KRT79: variants seen among roughly 807,000 people sequenced by gnomAD.
KRT79 encodes keratin 79.
In KRT79, 51 loss-of-function variants were observed where a neutral mutation model predicts 49.0. The ratio of observed to expected loss-of-function variants is 1.04; its 90% CI spans 0.83 to 1.31. The LOEUF (loss-of-function observed/expected upper bound fraction) is 1.31, where lower values mean the gene tolerates loss of function less well. Among genes scored for constraint, KRT79 ranks in the 40% most tolerant of loss-of-function variants. KRT79 has a pLI of 0.00. For synonymous variants in KRT79, 312 were observed against 286.6 expected, an observed-to-expected ratio of 1.09 and a Z score of -0.90; for missense variants, 728 against 688.0, an observed-to-expected ratio of 1.06 and a Z score of -0.65.
At chr12:52,830,511 T>A in intron 2 of KRT79, 1 of 565,186 alleles carries the variant, frequency 1.8e-6, no homozygotes, top group Non-Finnish European at 3.2e-6. Context: ...GGCACAGAAT[T>A]TGTGCAATAA....
chr12:52,824,009 C>T lies in KRT79; in HGVS notation c.1024G>A (p.Glu342Lys). Residue 342 changes from glutamate to lysine, a missense_variant, in exon 6 of 9, where the codon GAG becomes AAG. By Grantham distance (56) the Glu-to-Lys change is moderately conservative (BLOSUM62 1). Coordinates refer to ENST00000330553, the MANE Select transcript of KRT79 (RefSeq NM_175834.3). ...EAEAWYQTKY[E>K]ELQVTAGKHG... ...TTCCCAGCAGTCACCTGCAGCTCCT[C>T]ATACTGGGGACCAAAGAAGTGGCAG... 6.2e-7 allele frequency: 1 copy of T among 1,614,150 alleles called. No individual in the cohort carries two copies.
chr12:52,833,058 G>A (rs1168141557), intron 1 of KRT79, among the ~76,000 whole-genome samples: 2 of 152,176 alleles, frequency 1.3e-5, no homozygotes, highest in Non-Finnish European at 2.9e-5. Flanking sequence ...CAGCGAAACA[G>A]ACCAGGAAAT....
At chr12:52,828,722 C>T (rs1000467090) in intron 4 of KRT79, among the ~76,000 whole-genome samples, 3 of 152,178 alleles carry the variant, frequency 2.0e-5, no homozygotes, top group Admixed American at 6.5e-5. Context: ...AGAAAGCCAA[C>T]GTTGTGAAAC....
chr12:52,833,882 G>C lies in KRT79; in HGVS notation c.379C>G (p.Leu127Val), dbSNP rs776754666. 6.2e-7 allele frequency: 1 copy of C among 1,613,622 alleles called. No individual in the cohort carries two copies. The highest frequency in any genetic ancestry group is 1.7e-5 in the Admixed American group (1 of 59,978). Residue 127 changes from leucine to valine, a missense_variant, in exon 1 of 9, where the codon CTC becomes GTC. Physicochemically the swap from Leu to Val is conservative, Grantham distance 32. Transcript: ENST00000330553. ...ATCTCGGGGTCAATCTCCACATGGA[G>C]GGGGGTCAGCAGGCTCTGGTTGACA... The part of the protein sequence containing the change: ...VTVNQSLLTP[L>V]HVEIDPEIQR...
chr12:52,822,274 G>T (rs1468170645), intron 8 of KRT79, 71 bp downstream of exon 8: 1 of 1,498,538 alleles, frequency 6.7e-7, no homozygotes, highest in Non-Finnish European at 9.2e-7. Flanking sequence ...GACAGGTACA[G>T]GTTGCATAAA....
chr12:52,832,460 C>A (rs373762580), intron 1 of KRT79, among the ~76,000 whole-genome samples: 3 of 151,866 alleles, frequency 2.0e-5, no homozygotes, highest in Non-Finnish European at 2.9e-5. Context: ...TTTAACAGGA[C>A]CCCCGAGAGT....
At chr12:52,822,099 T>A (rs1172775743) in intron 8 of KRT79, 22 bp from the exon 9 acceptor site, 5 of 1,612,394 alleles carry the variant, frequency 3.1e-6, no homozygotes, top group Non-Finnish European at 4.2e-6. Context: ...AGGGTCTGGA[T>A]TAGTCAGGGC....
intron 2 of KRT79, 59 bp from the exon 3 acceptor site, chr12:52,830,351 A>T: frequency 6.7e-7 from 1 of 1,502,594 alleles, no homozygotes; most frequent in South Asian, 1.1e-5. Flanking sequence ...CAGGCATGGG[A>T]CCCACTCAGC....
rs187814443 is a variant in KRT79 at position 52,830,215 on chromosome 12, C to A, written c.759+17G>T. The A allele has an allele frequency of 6.4e-5, 103 of 1,614,168 alleles. No individual in the cohort carries two copies. The highest frequency in any genetic ancestry group is 1.8e-4 in the Admixed American group (11 of 60,032). On this transcript the variant is annotated intron_variant, in intron 3 of 8. Transcript: ENST00000330553. ...CTGGCAGCCAAAGGACCACCTCCCC[C>A]ACTCCACTCGGCTCACCTTCTTGAG...
chr12:52,824,602 A>T (rs1308440334), intron 4 of KRT79, among the ~76,000 whole-genome samples: 1 of 152,242 alleles, frequency 6.6e-6, no homozygotes, highest in African/African-American at 2.4e-5. Flanking sequence ...CCAAAAGATT[A>T]GAGAGGGTAA....
At chr12:52,825,901 T>C (rs1940168724) in intron 4 of KRT79, among the ~76,000 whole-genome samples, 1 of 152,128 alleles carries the variant, frequency 6.6e-6, no homozygotes, top group Non-Finnish European at 1.5e-5. Flanking sequence ...GTGGTGGTTG[T>C]GGGGCTTAAG....
Position 52,834,211 on chromosome 12 carries a change from C to A in KRT79, c.50G>T (p.Ser17Ile). The A allele has an allele frequency of 6.2e-7, 1 of 1,613,850 alleles. No individual in the cohort carries two copies. The highest frequency in any genetic ancestry group is 8.5e-7 in the Non-Finnish European group (1 of 1,180,018). ...RQTYSTKGGFSSNSASGGSGS... is the reference protein window; with the variant it reads ...RQTYSTKGGFISNSASGGSGS... The stretch of plus-strand genomic sequence containing the variant: ...ACTCCCTCCGCTGGCAGAGTTGGAG[C>A]TGAAGCCCCCTTTTGTGGAGTATGT... Residue 17 changes from serine (S) to isoleucine (I), a missense_variant, in exon 1 of 9, where the codon AGC (serine) becomes ATC (isoleucine). Ser to Ile is a moderately radical substitution (Grantham distance 142, BLOSUM62 -2). Coordinates refer to ENST00000330553, the MANE Select transcript of KRT79 (RefSeq NM_175834.3).
intron 1 of KRT79, among the ~76,000 whole-genome samples, chr12:52,831,974 C>T (rs1357643945): frequency 1.3e-5 from 2 of 152,204 alleles, no homozygotes; most frequent in African/African-American, 4.8e-5. Context: ...CCTAATTCTG[C>T]ATTAAAATCA....
rs555171248 is a variant in KRT79 at position 52,824,665 on chromosome 12, A to T, written c.856-303T>A. On this transcript the variant is annotated intron_variant, in intron 4 of 8. Transcript: ENST00000330553. ...CTGGTGCCCGGCACTGTGCTAGCAC[A>T]TTCACTAACCCCTCTAGGCCTCAGA... 1.4e-3 allele frequency among the ~76,000 whole-genome samples: 220 copies of T among 152,322 alleles called. 1 individual carries two copies. The highest frequency in any genetic ancestry group is 4.4e-3 in the African/African-American group (184 of 41,572).
In KRT79 at chr12:52,831,467, G is replaced by T; in HGVS notation, c.637C>A (p.Arg213=). 6.2e-7 allele frequency: 1 copy of T among 1,614,172 alleles called. No homozygotes were observed. The highest frequency in any genetic ancestry group is 1.1e-5 in the South Asian group (1 of 91,064). Residue 213 remains arginine (R), a synonymous_variant, in exon 2 of 9, where the codon CGG becomes AGG. Transcript: ENST00000330553. ...CTGAGCTCTGAGTCCAGCCTCCCCCGCTCGCTCTGAAGTCTGTCCAGCGTG... is the reference window on the plus strand; with the variant it reads ...CTGAGCTCTGAGTCCAGCCTCCCCCTCTCGCTCTGAAGTCTGTCCAGCGTG... ...RSTLDRLQSE[R]GRLDSELRNV...
rs780904899 is a variant in KRT79 at position 52,834,287 on chromosome 12, T to G, written c.-27A>C. 4.4e-6 allele frequency: 7 copies of G among 1,580,454 alleles called. No homozygotes were observed. The highest frequency in any genetic ancestry group is 3.3e-5 in the Admixed American group (2 of 59,944). ...GCTGCAGAGGGGCCGGAGGGCAGGA[T>G]GAGAGGGCAGGAAGGGAGTGCCGTG... On this transcript the variant is annotated 5_prime_UTR_variant, in exon 1 of 9. Coordinates refer to ENST00000330553, the MANE Select transcript of KRT79 (RefSeq NM_175834.3).
At position 52,821,943 on chromosome 12, in the gene KRT79, C is replaced by T. The variant is rs1462242420; in HGVS notation, c.1537G>A (p.Gly513Arg). 2.5e-6 allele frequency: 4 copies of T among 1,614,176 alleles called. No individual in the cohort carries two copies. Among genetic ancestry groups the T allele is most frequent in the Non-Finnish European group, 3.4e-6 (4 of 1,180,040 alleles). ...ATGGAGGTGCCCGCAGAGACTGGCC[C>T]TCCCTTGACGGTGCTATAGCCCACA... ...TNVGYSTVKG[G>R]PVSAGTSILR... Residue 513 changes from glycine (G) to arginine (R), a missense_variant, in exon 9 of 9, where the codon GGG (glycine) becomes AGG (arginine). Transcript: ENST00000330553.
chr12:52,828,948 G>A (rs181658552), intron 4 of KRT79, among the ~76,000 whole-genome samples: 1 of 152,290 alleles, frequency 6.6e-6, no homozygotes, highest in African/African-American at 2.4e-5. Context: ...AGACAATTGG[G>A]CAAAGTCAAG....
In KRT79 at chr12:52,831,507, C is replaced by T; in HGVS notation, c.597G>A (p.Leu199=). 6.2e-7 allele frequency: 1 copy of T among 1,614,256 alleles called. No individual in the cohort carries two copies. The highest frequency in any genetic ancestry group is 8.5e-7 in the Non-Finnish European group (1 of 1,180,052). ...TGTCCAGCGTGCTCCGCATGCTACC[C>T]AGGTAGGCCTCAAAGAGGGGCTCCA... ...NNLEPLFEAY[L]GSMRSTLDRL... Residue 199 remains leucine (L), a synonymous_variant, in exon 2 of 9, where the codon CTG becomes CTA. Transcript: ENST00000330553.
Sources: allele counts gnomAD v4.1 joint callset (sites outside exome capture counted in the v4.1 genomes callset), GRCh38; gene constraint gnomAD v4.1.1; transcripts MANE v1.5; gene names NCBI Gene and HGNC (gene_info 2026-07-23, HGNC 2026-07-21).